WSCD2: variants seen among roughly 807,000 people sequenced by gnomAD.
WSCD2 encodes sialate:O-sulfotransferase 2.
A neutral mutation model predicts 55.7 loss-of-function variants in WSCD2; 28 were observed. The ratio of observed to expected loss-of-function variants is 0.50; its 90% CI spans 0.37 to 0.69. WSCD2 has a LOEUF of 0.69. Among genes scored for constraint, WSCD2 ranks in the 30% least tolerant of loss-of-function variants. WSCD2 has a pLI of 0.00. For synonymous variants in WSCD2, 301 were observed against 301.9 expected (o/e 1.00, Z 0.03); for missense variants, 616 against 762.1 (o/e 0.81, Z 2.26).
At chr12:108,150,590 G>A (rs1161201592) in intron 1 of WSCD2, among the ~76,000 whole-genome samples, 4 of 152,148 alleles carry the variant, frequency 2.6e-5, no homozygotes, top group African/African-American at 9.7e-5. Flanking sequence ...AACACAGCAT[G>A]CCTGGCCGGA....
intron 6 of WSCD2, among the ~76,000 whole-genome samples, chr12:108,228,830 AGT>A (rs1182483787): frequency 6.6e-6 from 1 of 152,236 alleles, no homozygotes; most frequent in African/African-American, 2.4e-5. Context: ...CTGAGAGCCT[AGT>A]GAGCATGTGG....
intron 2 of WSCD2, among the ~76,000 whole-genome samples, chr12:108,204,930 TA>T (rs1312920621): frequency 5.3e-5 from 8 of 152,356 alleles, no homozygotes; most frequent in African/African-American, 1.9e-4. Flanking sequence ...AAGTGGCATT[TA>T]GTATTTTCTT....
At chr12:108,131,804 G>A (rs532948766) in intron 1 of WSCD2, 1 of 152,400 alleles carries the variant, frequency 6.6e-6, no homozygotes, top group African/African-American at 2.4e-5. Context: ...GCCCAGGGTG[G>A]TCTGGGAGTG....
At chr12:108,146,818 T>C (rs1269157472) in intron 1 of WSCD2, among the ~76,000 whole-genome samples, 1 of 152,198 alleles carries the variant, frequency 6.6e-6, no homozygotes, top group Admixed American at 6.5e-5. Flanking sequence ...ACGCTGTGAT[T>C]TTTATAGGTC....
At chr12:108,154,203 C>T (rs1565920812) in intron 1 of WSCD2, among the ~76,000 whole-genome samples, 1 of 151,848 alleles carries the variant, frequency 6.6e-6, no homozygotes, top group Non-Finnish European at 1.5e-5. Context: ...TAGCTTAAAA[C>T]AGCACGCATT....
chr12:108,166,873 A>G (rs10778611), intron 1 of WSCD2, among the ~76,000 whole-genome samples: 112,531 of 145,126 alleles, frequency 0.78, 44,128 homozygotes, highest in East Asian at 0.92. Flanking sequence ...GTGTAGTTCC[A>G]TGATCTTGGC....
intron 4 of WSCD2, among the ~76,000 whole-genome samples, chr12:108,224,304 C>A (rs117328207): frequency 1.3e-5 from 2 of 152,144 alleles, no homozygotes; most frequent in African/African-American, 4.8e-5. Context: ...TGAGTAAGGA[C>A]AGGACAGCCC....
chr12:108,158,352 T>C (rs1216375793), intron 1 of WSCD2, among the ~76,000 whole-genome samples: 3 of 152,024 alleles, frequency 2.0e-5, no homozygotes, highest in Non-Finnish European at 4.4e-5. Flanking sequence ...ACCCTTTAAC[T>C]TGGCTACAAG....
intron 1 of WSCD2, among the ~76,000 whole-genome samples, chr12:108,184,371 G>C (rs1408166186): frequency 1.3e-5 from 2 of 152,192 alleles, no homozygotes. Context: ...GGGTGATTTG[G>C]GGGTGGGGAT....
intron 4 of WSCD2, among the ~76,000 whole-genome samples, chr12:108,220,502 A>G (rs932440130): frequency 5.9e-5 from 9 of 152,206 alleles, no homozygotes; most frequent in Non-Finnish European, 1.3e-4. Context: ...CCACACAACC[A>G]GTACATGGTA....
At chr12:108,243,000 A>G (rs1449669206) in intron 8 of WSCD2, among the ~76,000 whole-genome samples, 1 of 152,206 alleles carries the variant, frequency 6.6e-6, no homozygotes, top group Non-Finnish European at 1.5e-5. Context: ...CCAGGCATGC[A>G]AGGGCTCTGG....
intron 1 of WSCD2, among the ~76,000 whole-genome samples, chr12:108,155,661 C>T (rs530093053): frequency 2.0e-5 from 3 of 152,164 alleles, no homozygotes; most frequent in Non-Finnish European, 2.9e-5. Flanking sequence ...TACATCACTT[C>T]TCTGAGCCTC....
intron 1 of WSCD2, among the ~76,000 whole-genome samples, chr12:108,174,455 G>A (rs1243744459): frequency 6.6e-6 from 1 of 152,130 alleles, no homozygotes; most frequent in East Asian, 1.9e-4. Context: ...GATTTGGTGA[G>A]GGAATATGCA....
At chr12:108,156,000 G>A (rs1165700557) in intron 1 of WSCD2, among the ~76,000 whole-genome samples, 2 of 152,130 alleles carry the variant, frequency 1.3e-5, no homozygotes, top group Non-Finnish European at 2.9e-5. Flanking sequence ...ACATACCAAC[G>A]AGCCATCTGC....
At chr12:108,177,131 T>C (rs1369824257) in intron 1 of WSCD2, among the ~76,000 whole-genome samples, 1 of 152,176 alleles carries the variant, frequency 6.6e-6, no homozygotes, top group African/African-American at 2.4e-5. Context: ...TGAGCCTCAG[T>C]TTACTCCTCT....
intron 7 of WSCD2, among the ~76,000 whole-genome samples, chr12:108,234,003 TAA>T: frequency 6.6e-6 from 1 of 152,302 alleles, no homozygotes; most frequent in African/African-American, 2.4e-5. Context: ...AAATTAGAGA[TAA>T]GAGTACGTAC....
intron 6 of WSCD2, among the ~76,000 whole-genome samples, chr12:108,229,761 GC>G (rs1888532013): frequency 6.6e-6 from 1 of 151,932 alleles, no homozygotes; most frequent in Admixed American, 6.6e-5. Flanking sequence ...CTTCGGGTTG[GC>G]CTTGGCCTCC....
chr12:108,149,871 C>A (rs781352150), intron 1 of WSCD2: 1 of 152,188 alleles, frequency 6.6e-6, no homozygotes, highest in African/African-American at 2.4e-5. Context: ...ACATCACGTA[C>A]ACTGGCTCAT....
At chr12:108,196,875 G>A (rs144349807) in intron 2 of WSCD2, 1 of 152,226 alleles carries the variant, frequency 6.6e-6, no homozygotes, top group Non-Finnish European at 1.5e-5. Context: ...CACTTCATGG[G>A]CTTAAACAAG....
Sources: allele counts gnomAD v4.1 joint callset (sites outside exome capture counted in the v4.1 genomes callset), GRCh38; gene constraint gnomAD v4.1.1; transcripts MANE v1.5; gene names NCBI Gene and HGNC (gene_info 2026-07-23, HGNC 2026-07-21).